SH3PXD2A: variants seen among roughly 807,000 people sequenced by gnomAD.
The protein encoded by SH3PXD2A is SH3 and PX domain-containing protein 2A.
A neutral mutation model predicts 115.2 loss-of-function variants in SH3PXD2A; 32 were observed. The observed-to-expected ratio is 0.28, with a 90% CI of 0.21 to 0.37. SH3PXD2A has a LOEUF of 0.37. Ranked by LOEUF, SH3PXD2A falls within the 10% of genes least tolerant of loss-of-function variation. The probability of loss-of-function intolerance (pLI) is 1.00; values close to 1 mark genes in which losing one functional copy is unlikely to be tolerated. For missense variants in SH3PXD2A, 1,328 were observed against 1,498.7 expected, an observed-to-expected ratio of 0.89 and a Z score of 1.88; for synonymous variants, 610 against 629.1, an observed-to-expected ratio of 0.97 and a Z score of 0.45.
chr10:103,735,943 C>G (rs1194017214), intron 3 of SH3PXD2A, 135 bp from the exon 4 acceptor site: 1 of 771,846 alleles, frequency 1.3e-6, no homozygotes, highest in Non-Finnish European at 2.3e-6. Context: ...GTCAAGGAAA[C>G]AAGAGAGAAA....
intron 7 of SH3PXD2A, among the ~76,000 whole-genome samples, chr10:103,662,441 G>A (rs1426128082): frequency 8.1e-6 from 1 of 123,136 alleles, no homozygotes; most frequent in Admixed American, 9.8e-5. Context: ...CGCCCAGGCC[G>A]GACTGCGGAC....
rs930956196 is a variant in SH3PXD2A at position 103,664,440 on chromosome 10, C to T, written c.473-3326G>A. Among the ~76,000 whole-genome samples, 5 of 152,182 alleles carry T rather than the reference C, an allele frequency of 3.3e-5. No homozygotes were observed. The South Asian group carries it at 6.2e-4, about 19-fold the overall frequency. Reference sequence around the variant, plus strand: ...TAGGTCCTGTGATGGCCCCGTTTCACGCATGGGCAAAGCAAGCCTCATGAG... The same window carrying T: ...TAGGTCCTGTGATGGCCCCGTTTCATGCATGGGCAAAGCAAGCCTCATGAG... On this transcript the variant is annotated intron_variant, in intron 7 of 14. Coordinates refer to ENST00000369774, the MANE Select transcript of SH3PXD2A (RefSeq NM_001394015.1).
chr10:103,617,392 G>T, intron 10 of SH3PXD2A, 78 bp from the exon 11 acceptor site: 1 of 1,048,762 alleles, frequency 9.5e-7, no homozygotes, highest in Non-Finnish European at 1.5e-6. Context: ...CTCCTGCCCT[G>T]GCCTGGCTTT....
chr10:103,639,254 C>T (rs905861368), intron 8 of SH3PXD2A, among the ~76,000 whole-genome samples: 7 of 152,144 alleles, frequency 4.6e-5, no homozygotes, highest in Non-Finnish European at 7.3e-5. Context: ...TGAATTGAAC[C>T]TCAGAGTGAC....
intron 2 of SH3PXD2A, among the ~76,000 whole-genome samples, chr10:103,770,729 G>A (rs1337125821): frequency 6.6e-6 from 1 of 152,058 alleles, no homozygotes; most frequent in Non-Finnish European, 1.5e-5. Context: ...ACTGACAGGG[G>A]GACCAGCTCC....
At chr10:103,825,271 A>T (rs2039419282) in intron 1 of SH3PXD2A, among the ~76,000 whole-genome samples, 1 of 152,084 alleles carries the variant, frequency 6.6e-6, no homozygotes, top group African/African-American at 2.4e-5. Context: ...TGCTGCCTAC[A>T]CTTGGGCCGC....
intron 6 of SH3PXD2A, among the ~76,000 whole-genome samples, chr10:103,679,493 A>G (rs2037582572): frequency 6.6e-6 from 1 of 152,220 alleles, no homozygotes; most frequent in South Asian, 2.1e-4. Flanking sequence ...CCTAGTGTCC[A>G]CTGAGCCATG....
intron 6 of SH3PXD2A, among the ~76,000 whole-genome samples, chr10:103,676,530 A>C (rs773835863): frequency 3.9e-5 from 6 of 152,126 alleles, no homozygotes; most frequent in Non-Finnish European, 7.4e-5. Flanking sequence ...GGCTGCCTAG[A>C]AGGGGCTGCC....
At chr10:103,612,809 A>C in intron 12 of SH3PXD2A, 44 bp downstream of exon 12, 103 of 1,374,062 alleles carry the variant, frequency 7.5e-5, no homozygotes, top group Middle Eastern at 2.2e-4. Flanking sequence ...CCCATTCTCT[A>C]AGGAGCTTTG....
chr10:103,827,660 C>T (rs143619178), intron 1 of SH3PXD2A, among the ~76,000 whole-genome samples: 35 of 152,286 alleles, frequency 2.3e-4, no homozygotes, highest in African/African-American at 3.1e-4. Flanking sequence ...ACATCCCATG[C>T]GGTTTGTGGT....
intron 2 of SH3PXD2A, among the ~76,000 whole-genome samples, chr10:103,789,177 TGG>T (rs34893812): frequency 2.0e-5 from 3 of 151,114 alleles, no homozygotes; most frequent in Admixed American, 6.6e-5. Context: ...TGGGGGAGGA[TGG>T]GGGGGGTAGA....
intron 1 of SH3PXD2A, among the ~76,000 whole-genome samples, chr10:103,808,274 C>A (rs909676251): frequency 4.7e-5 from 7 of 149,494 alleles, no homozygotes; most frequent in African/African-American, 1.7e-4. Flanking sequence ...TTTTTTGAGA[C>A]AGGGTCTGGC....
intron 2 of SH3PXD2A, among the ~76,000 whole-genome samples, chr10:103,779,422 C>T (rs1014413560): frequency 6.6e-6 from 1 of 152,206 alleles, no homozygotes. Flanking sequence ...TTGTGAACTT[C>T]CCTCCCTTTG....
intron 3 of SH3PXD2A, chr10:103,736,798 A>G (rs1383370945): frequency 2.4e-5 from 31 of 1,288,804 alleles, no homozygotes; most frequent in Non-Finnish European, 3.1e-5. Context: ...TGTAACGGGC[A>G]TCTGTTGCCT....
At chr10:103,718,478 C>A (rs1357246284) in intron 5 of SH3PXD2A, among the ~76,000 whole-genome samples, 1 of 143,414 alleles carries the variant, frequency 7.0e-6, no homozygotes, top group Non-Finnish European at 1.5e-5. Flanking sequence ...GACTGCAGGG[C>A]AAAGGGCTGG....
chr10:103,815,656 C>T (rs960958394), intron 1 of SH3PXD2A, among the ~76,000 whole-genome samples: 29 of 151,628 alleles, frequency 1.9e-4, no homozygotes, highest in East Asian at 1.2e-3. Flanking sequence ...TCGGGGAGGC[C>T]GAGGCAGGCG....
rs75922594 is a variant in SH3PXD2A, at chr10:103,602,184, C to T, written c.3034G>A (p.Val1012Ile). 1,694 of 1,575,330 alleles carry T rather than the reference C, an allele frequency of 1.1e-3. 16 individuals carry two copies. The African/African-American group carries it at 0.019, about 17-fold the overall frequency. Residue 1012 changes from valine (V) to isoleucine (I), a missense_variant, in exon 15 of 15, where the codon GTC (valine) becomes ATC (isoleucine). Around this residue, in one of 5 missense-constraint regions of SH3PXD2A, gnomAD observed 574 missense variants for 565.7 expected, o/e 1.01. Coordinates refer to ENST00000369774, the MANE Select transcript of SH3PXD2A (RefSeq NM_001394015.1). ...GTGCTAAAGGAGGAGTTCCGTCGGA[C>T]GCCTCGGAGGCCATCAGTGGCCGTG... ...SLTATDGLRG[V>I]RRNSSFSTAR...
At chr10:103,782,827 C>CAAA (rs1177829829) in intron 2 of SH3PXD2A, among the ~76,000 whole-genome samples, 74 of 45,206 alleles carry the variant, frequency 1.6e-3, no homozygotes, top group African/African-American at 3.9e-3. Flanking sequence ...TCCATCTCTC[C>CAAA]AAAAAAAAAA....
chr10:103,607,074 C>A (rs368808319), intron 13 of SH3PXD2A, among the ~76,000 whole-genome samples: 1 of 151,868 alleles, frequency 6.6e-6, no homozygotes, highest in Non-Finnish European at 1.5e-5. Flanking sequence ...GGCCGCCATC[C>A]CATCTAGGAA....
Sources: allele counts gnomAD v4.1 joint callset (sites outside exome capture counted in the v4.1 genomes callset), GRCh38; gene constraint gnomAD v4.1.1; regional missense constraint gnomAD v4.1.1; transcripts MANE v1.5; gene names NCBI Gene and HGNC (gene_info 2026-07-23, HGNC 2026-07-21).